The following ERC2 variants were observed in gnomAD, a reference collection of about 807,000 sequenced individuals.
ERC2 encodes the protein ERC protein 2.
In ERC2, 42 loss-of-function variants were observed where a neutral mutation model predicts 114.8. That is an observed-to-expected ratio of 0.37 (90% confidence interval 0.29 to 0.47). The LOEUF is 0.47. Among genes scored for constraint, ERC2 ranks in the 20% least tolerant of loss-of-function variants. ERC2 has a pLI of 0.99. For missense variants in ERC2, 939 were observed against 1,150.7 expected, an observed-to-expected ratio of 0.82 and a Z score of 2.66; for synonymous variants, 454 against 425.5, an observed-to-expected ratio of 1.07 and a Z score of -0.82.
At chr3:55,522,390 A>G (rs2053019881) in intron 17 of ERC2, among the ~76,000 whole-genome samples, 1 of 149,856 alleles carries the variant, frequency 6.7e-6, no homozygotes, top group Non-Finnish European at 1.5e-5. Flanking sequence ...TGGGTTCTTA[A>G]ATGAGATACA....
At chr3:55,645,282 G>C (rs1370389906) in intron 17 of ERC2, among the ~76,000 whole-genome samples, 3 of 152,146 alleles carry the variant, frequency 2.0e-5, no homozygotes, top group Non-Finnish European at 4.4e-5. Flanking sequence ...TTGTGTGAGG[G>C]CACCACGTGA....
chr3:56,101,508 G>C (rs551651910), intron 6 of ERC2, among the ~76,000 whole-genome samples: 2 of 152,114 alleles, frequency 1.3e-5, no homozygotes, highest in Non-Finnish European at 2.9e-5. Flanking sequence ...TGGGGAGGTA[G>C]GGAGCATCAT....
intron 14 of ERC2, among the ~76,000 whole-genome samples, chr3:55,835,960 C>T (rs953769506): frequency 1.3e-5 from 2 of 151,446 alleles, no homozygotes; most frequent in Admixed American, 6.6e-5. Context: ...ACACCAATAA[C>T]AGACAAACAG....
At chr3:55,570,617 C>T (rs2107521690) in intron 17 of ERC2, among the ~76,000 whole-genome samples, 1 of 152,140 alleles carries the variant, frequency 6.6e-6, no homozygotes, top group East Asian at 1.9e-4. Context: ...ACTGGCATGC[C>T]CGGGGAAGAA....
At chr3:55,875,724 A>ACACT (rs1491351730) in intron 14 of ERC2, among the ~76,000 whole-genome samples, 106 of 141,100 alleles carry the variant, frequency 7.5e-4, no homozygotes, top group African/African-American at 1.1e-3. Flanking sequence ...ACACACACAC[A>ACACT]CTCTCTCTCT....
At chr3:56,442,653 G>A (rs1451141313) in intron 1 of ERC2, among the ~76,000 whole-genome samples, 1 of 152,192 alleles carries the variant, frequency 6.6e-6, no homozygotes, top group African/African-American at 2.4e-5. Context: ...ATGTCTCAGA[G>A]ACTTTTAGGA....
intron 12 of ERC2, among the ~76,000 whole-genome samples, chr3:55,952,180 C>CACTATATATATA (rs1553749407): frequency 7.8e-5 from 2 of 25,562 alleles, no homozygotes; most frequent in Non-Finnish European, 1.7e-4. Flanking sequence ...CACACACACA[C>CACTATATATATA]TCTCTCTCTC....
At chr3:55,823,742 C>T (rs978423419) in intron 14 of ERC2, among the ~76,000 whole-genome samples, 13 of 152,152 alleles carry the variant, frequency 8.5e-5, no homozygotes, top group African/African-American at 1.2e-4. Context: ...CAGATCCCAT[C>T]GCTCCCATAG....
chr3:56,295,485 A>G (rs1379960646), intron 3 of ERC2, among the ~76,000 whole-genome samples: 1 of 152,214 alleles, frequency 6.6e-6, no homozygotes, highest in Non-Finnish European at 1.5e-5. Context: ...AAAACCTGTA[A>G]TACTCTGTCC....
intron 2 of ERC2, among the ~76,000 whole-genome samples, chr3:56,427,461 G>A (rs968483765): frequency 6.6e-6 from 1 of 152,180 alleles, no homozygotes; most frequent in Non-Finnish European, 1.5e-5. Context: ...AGCATTTCAT[G>A]TGGTGATATG....
At chr3:56,186,154 C>A (rs1311839996) in intron 3 of ERC2, among the ~76,000 whole-genome samples, 1 of 137,524 alleles carries the variant, frequency 7.3e-6, no homozygotes, top group Non-Finnish European at 1.6e-5. Flanking sequence ...AGAGCACAGC[C>A]CTGATGATAC....
At chr3:56,142,648 T>A (rs2080921831) in intron 5 of ERC2, among the ~76,000 whole-genome samples, 1 of 152,162 alleles carries the variant, frequency 6.6e-6, no homozygotes, top group African/African-American at 2.4e-5. Context: ...TTATTCATAT[T>A]TTCAATCTCT....
intron 12 of ERC2, among the ~76,000 whole-genome samples, chr3:55,958,555 C>T (rs1435824219): frequency 1.3e-5 from 2 of 152,226 alleles, no homozygotes; most frequent in Non-Finnish European, 2.9e-5. Flanking sequence ...CTGCCATCAA[C>T]ATGCCATCCA....
At chr3:56,028,284 G>T (rs1468632615) in intron 7 of ERC2, among the ~76,000 whole-genome samples, 1 of 151,944 alleles carries the variant, frequency 6.6e-6, no homozygotes, top group Admixed American at 6.6e-5. Flanking sequence ...TTATTCGGGG[G>T]GTTATGCCTT....
chr3:56,374,128 G>T (rs149370265), intron 2 of ERC2, among the ~76,000 whole-genome samples: 1 of 152,038 alleles, frequency 6.6e-6, no homozygotes, highest in Non-Finnish European at 1.5e-5. Context: ...ACTGAGTCTC[G>T]CTCTGTCGCC....
intron 17 of ERC2, among the ~76,000 whole-genome samples, chr3:55,561,974 T>G (rs937419542): frequency 3.9e-5 from 6 of 152,290 alleles, no homozygotes; most frequent in African/African-American, 1.4e-4. Context: ...GAAGCCATCC[T>G]GCCACCTCAA....
At chr3:55,692,945 C>G (rs942503737) in intron 16 of ERC2, among the ~76,000 whole-genome samples, 1 of 152,116 alleles carries the variant, frequency 6.6e-6, no homozygotes, top group African/African-American at 2.4e-5. Context: ...AATTTGATGG[C>G]TTATGGCAAA....
At chr3:55,604,292 G>A (rs2058547725) in intron 17 of ERC2, among the ~76,000 whole-genome samples, 1 of 152,010 alleles carries the variant, frequency 6.6e-6, no homozygotes, top group African/African-American at 2.4e-5. Context: ...CCTGAGACGT[G>A]TGAAAGGCTT....
chr3:55,645,312 T>C (rs2060348254), intron 17 of ERC2, among the ~76,000 whole-genome samples: 1 of 152,216 alleles, frequency 6.6e-6, no homozygotes, highest in Non-Finnish European at 1.5e-5. Flanking sequence ...CTTTCATCAG[T>C]ACAGTTGTTA....
Sources: gnomAD v4.1 joint callset for allele counts (sites outside exome capture counted in the v4.1 genomes callset) on GRCh38, gnomAD v4.1.1 for gene constraint, MANE v1.5 for transcripts, NCBI Gene and HGNC (gene_info 2026-07-23, HGNC 2026-07-21) for gene names.